Variants in TRIM37 observed in about 807,000 individuals in gnomAD.
TRIM37 encodes the protein E3 ubiquitin-protein ligase TRIM37.
A neutral mutation model predicts 129.8 loss-of-function variants in TRIM37; 80 were observed. The observed-to-expected ratio is 0.62, with a 90% confidence interval of 0.51 to 0.74. TRIM37 has a LOEUF of 0.74. Ranked by LOEUF, TRIM37 falls within the 30% of genes least tolerant of loss-of-function variation. The probability of loss-of-function intolerance (pLI) is 0.00; values close to 1 mark genes in which losing one functional copy is unlikely to be tolerated. For synonymous variants in TRIM37, 389 were observed against 387.1 expected (o/e 1.00, Z -0.06); for missense variants, 1,054 against 1,176.5 (o/e 0.90, Z 1.52).
intron 12 of TRIM37, among the ~76,000 whole-genome samples, chr17:59,060,517 T>C (rs888618067): frequency 1.3e-5 from 2 of 152,146 alleles, no homozygotes; most frequent in Non-Finnish European, 2.9e-5. Flanking sequence ...ACTTGTTCAG[T>C]TTGGATGTAA....
At chr17:59,015,855 T>C (rs753198339) in intron 20 of TRIM37, 56 bp from the exon 21 acceptor site, 20 of 1,553,842 alleles carry the variant, frequency 1.3e-5, no homozygotes, top group Non-Finnish European at 1.8e-5. Flanking sequence ...GGTGTGCGCC[T>C]GTAATCCCAG....
intron 4 of TRIM37, among the ~76,000 whole-genome samples, chr17:59,087,496 C>A (rs992282228): frequency 1.8e-5 from 2 of 108,980 alleles, no homozygotes; most frequent in African/African-American, 7.2e-5. Flanking sequence ...GAGATGGGTT[C>A]TTGCTATGTT....
At chr17:59,042,941 T>C (rs1202886138) in intron 16 of TRIM37, among the ~76,000 whole-genome samples, 4 of 152,154 alleles carry the variant, frequency 2.6e-5, no homozygotes, top group Admixed American at 6.5e-5. Context: ...GAACCACTGT[T>C]AGAAGAAATT....
At chr17:59,063,324 C>T (rs2041658793) in intron 10 of TRIM37, among the ~76,000 whole-genome samples, 3 of 152,098 alleles carry the variant, frequency 2.0e-5, no homozygotes, top group African/African-American at 2.4e-5. Context: ...GGATTACAGG[C>T]GCCCACCACC....
chr17:59,089,926 C>T (rs773315198), intron 3 of TRIM37: 1 of 152,014 alleles, frequency 6.6e-6, no homozygotes, highest in African/African-American at 2.4e-5. Context: ...ACAGTGACAT[C>T]TCATCTCTAC....
intron 15 of TRIM37, 108 bp downstream of exon 15, chr17:59,049,070 T>C: frequency 1.2e-6 from 1 of 862,534 alleles, no homozygotes; most frequent in Non-Finnish European, 1.9e-6. Flanking sequence ...TGGAAATCAA[T>C]GGACAATATT....
At chr17:59,000,874 T>C (rs1204741057) in intron 23 of TRIM37, among the ~76,000 whole-genome samples, 1 of 152,058 alleles carries the variant, frequency 6.6e-6, no homozygotes, top group East Asian at 1.9e-4. Flanking sequence ...ATTTAGGCAT[T>C]GTAGGCCACA....
chr17:58,998,132 C>G, downstream of TRIM37: 1 of 790,820 alleles, frequency 1.3e-6, no homozygotes, highest in Non-Finnish European at 1.5e-6. Context: ...ATCTTCTCTA[C>G]ACTACTAATG....
At chr17:59,067,274 T>G (rs2041991776) in intron 9 of TRIM37, among the ~76,000 whole-genome samples, 1 of 152,234 alleles carries the variant, frequency 6.6e-6, no homozygotes, top group African/African-American at 2.4e-5. Context: ...CTGCTTTATC[T>G]TTTCATAGTT....
intron 2 of TRIM37, among the ~76,000 whole-genome samples, chr17:59,095,726 G>T (rs2044791891): frequency 6.6e-6 from 1 of 152,072 alleles, no homozygotes; most frequent in Non-Finnish European, 1.5e-5. Context: ...TTCTGGGGTT[G>T]TTTTTGTTTT....
In TRIM37 at chr17:59,065,496, T is replaced by C. The variant is rs566990598; in HGVS notation, c.810-1091A>G. ...CCATCCAATCTTCTTCAGAGAGAAC[T>C]GTATTATAATCACAGAATGGACTAA... On this transcript the variant is annotated intron_variant, in intron 9 of 23. Coordinates refer to ENST00000262294, the MANE Select transcript of TRIM37 (RefSeq NM_015294.6). 2.6e-4 allele frequency among the ~76,000 whole-genome samples: 40 copies of C among 152,340 alleles called. 1 individual carries two copies. The South Asian group carries it at 7.9e-3, about 30-fold the overall frequency.
At chr17:59,051,527 A>G (rs1410532549) in intron 13 of TRIM37, among the ~76,000 whole-genome samples, 199 bp from the exon 14 acceptor site, 1 of 152,214 alleles carries the variant, frequency 6.6e-6, no homozygotes, top group Non-Finnish European at 1.5e-5. Context: ...TCCTCAAACT[A>G]CCTTTCTAAA....
chr17:59,001,251 T>A (rs1337906335), intron 23 of TRIM37, among the ~76,000 whole-genome samples: 1 of 151,594 alleles, frequency 6.6e-6, no homozygotes, highest in Non-Finnish European at 1.5e-5. Flanking sequence ...CTTCTTTGTT[T>A]CTTTTGCTTG....
rs1168696017 is a variant in TRIM37 at position 59,098,491 on chromosome 17, CCT to C, written c.123+5800_123+5801del. Among the ~76,000 whole-genome samples, 6 of 151,830 alleles carry C rather than the reference CCT, an allele frequency of 4.0e-5. No homozygotes were observed. The East Asian group carries it at 9.7e-4, about 25-fold the overall frequency. On this transcript the variant is annotated intron_variant, in intron 2 of 23. Transcript: ENST00000262294. ...GCCAGCTTTGGCAACAAAGTAAAAC[CCT>C]GTCTCTACAAAAAATAAAAAAATTA... is the stretch of plus-strand genomic sequence containing the variant.
intron 1 of TRIM37, among the ~76,000 whole-genome samples, chr17:59,104,847 T>TG (rs1372889669): frequency 4.6e-5 from 7 of 152,012 alleles, no homozygotes; most frequent in Non-Finnish European, 7.4e-5. Flanking sequence ...ATCCTAGCAC[T>TG]TTGGGAGGCT....
intron 3 of TRIM37, 23 bp from the exon 4 acceptor site, chr17:59,088,430 T>A (rs761388365): frequency 1.6e-6 from 2 of 1,285,920 alleles, no homozygotes; most frequent in African/African-American, 1.5e-5. Context: ...TCCATACACA[T>A]ACACTAATTC....
intron 2 of TRIM37, among the ~76,000 whole-genome samples, chr17:59,091,641 T>C (rs1237223491): frequency 7.1e-6 from 1 of 140,608 alleles, no homozygotes; most frequent in African/African-American, 2.6e-5. Flanking sequence ...GTATAATATA[T>C]TATATAATAT....
intron 7 of TRIM37, 111 bp downstream of exon 7, chr17:59,079,643 T>G (rs1406700608): frequency 2.2e-6 from 3 of 1,342,452 alleles, no homozygotes; most frequent in Non-Finnish European, 3.2e-6. Context: ...AACATGGAGT[T>G]GCCTAAAATC....
Position 59,072,505 on chromosome 17 carries a change from A to C in TRIM37, c.685-1558T>G, listed in dbSNP as rs138983682. Among the ~76,000 whole-genome samples, 193 of 152,208 alleles carry C rather than the reference A, an allele frequency of 1.3e-3. 2 individuals are homozygous for C. The Middle Eastern group carries it at 0.017, about 13-fold the overall frequency. On this transcript the variant is annotated intron_variant, in intron 8 of 23. Coordinates refer to ENST00000262294, the MANE Select transcript of TRIM37 (RefSeq NM_015294.6). ...GACTTTGGGAGGCTGAGGCGGGTGGATCACTTAGGGTGAGGAGTTCAAGAC... is the reference window on the plus strand; with the variant it reads ...GACTTTGGGAGGCTGAGGCGGGTGGCTCACTTAGGGTGAGGAGTTCAAGAC...
Sources: allele counts gnomAD v4.1 joint callset (sites outside exome capture counted in the v4.1 genomes callset), GRCh38; gene constraint gnomAD v4.1.1; transcripts MANE v1.5; gene names NCBI Gene and HGNC (gene_info 2026-07-23, HGNC 2026-07-21).